ZSWIM7: variants seen among roughly 807,000 people sequenced by gnomAD.
ZSWIM7 encodes zinc finger SWIM domain-containing protein 7.
ZSWIM7 carries 22 observed loss-of-function variants against 21.1 expected under a neutral mutation model. The observed-to-expected ratio is 1.04, with a 90% CI of 0.74 to 1.49. The LOEUF is 1.49. Ranked by LOEUF, ZSWIM7 falls within the 40% of genes most tolerant of loss-of-function variation. The pLI is 0.00. For missense variants in ZSWIM7, 193 were observed against 168.0 expected (o/e 1.15, Z -0.82); for synonymous variants, 67 against 66.5 (o/e 1.01, Z -0.04).
intron 2 of ZSWIM7, among the ~76,000 whole-genome samples, chr17:15,992,262 G>T (rs193114856): frequency 6.6e-6 from 1 of 152,082 alleles, no homozygotes; most frequent in African/African-American, 2.4e-5. Context: ...CAGTAATTAA[G>T]TATTACTTAT....
intron 1 of ZSWIM7, among the ~76,000 whole-genome samples, chr17:15,995,615 A>C (rs1970543016): frequency 6.6e-6 from 1 of 151,784 alleles, no homozygotes; most frequent in South Asian, 2.1e-4. Context: ...GAAATTCAAC[A>C]GAAAATCTGG....
At chr17:15,985,499 C>T (rs1189566486) in intron 3 of ZSWIM7, among the ~76,000 whole-genome samples, 5 of 152,138 alleles carry the variant, frequency 3.3e-5, no homozygotes, top group Non-Finnish European at 5.9e-5. Flanking sequence ...CATACAACTC[C>T]TGAATTCAGC....
intron 3 of ZSWIM7, among the ~76,000 whole-genome samples, chr17:15,985,040 C>G (rs1472033086): frequency 6.6e-6 from 1 of 152,334 alleles, no homozygotes; most frequent in South Asian, 2.1e-4. Context: ...AGTGCAGGCT[C>G]ACGCCTGTAA....
chr17:15,989,001 C>T (rs1970449748), intron 2 of ZSWIM7, among the ~76,000 whole-genome samples: 1 of 152,070 alleles, frequency 6.6e-6, no homozygotes, highest in African/African-American at 2.4e-5. Context: ...GCCCAGGTAA[C>T]AGGGAGACTC....
At chr17:15,998,306 C>T (rs1332298564) in intron 1 of ZSWIM7, among the ~76,000 whole-genome samples, 2 of 152,106 alleles carry the variant, frequency 1.3e-5, no homozygotes, top group Admixed American at 1.3e-4. Context: ...GAATACTTGG[C>T]TGCACTAATC....
chr17:15,984,704 A>T (rs73276056), intron 3 of ZSWIM7, among the ~76,000 whole-genome samples: 1 of 152,208 alleles, frequency 6.6e-6, no homozygotes, highest in African/African-American at 2.4e-5. Flanking sequence ...TGTTAAATAC[A>T]GGCTGGCCAT....
chr17:15,989,822 G>C (rs2151627083), intron 2 of ZSWIM7, among the ~76,000 whole-genome samples: 1 of 152,154 alleles, frequency 6.6e-6, no homozygotes, highest in East Asian at 1.9e-4. Flanking sequence ...TGTGGAGACA[G>C]GGTCTCCCTG....
Position 15,976,827 on chromosome 17 carries a change from G to C in ZSWIM7, c.*1220C>G, listed in dbSNP as rs1210706065. The C allele has an allele frequency of 6.6e-6, 1 of 152,172 alleles. No homozygotes were observed. Among genetic ancestry groups the C allele is most frequent in the Non-Finnish European group, 1.5e-5 (1 of 68,032 alleles). 9.4% of individuals were successfully genotyped at this position (152,172 alleles called of 1,614,324 possible). A position where few individuals can be genotyped will look rare whatever the true frequency, so the allele number is the denominator to read the frequency against. ...ACATGCTTATGAAATGCTGCAGACA[G>C]GGAATTCCTGTCCTTCTAGGATCCT... On this transcript the variant is annotated 3_prime_UTR_variant, in exon 5 of 5. Coordinates refer to ENST00000399277, the MANE Select transcript of ZSWIM7 (RefSeq NM_001042697.2).
intron 3 of ZSWIM7, among the ~76,000 whole-genome samples, chr17:15,982,824 A>C (rs1230393220): frequency 6.6e-6 from 1 of 151,726 alleles, no homozygotes; most frequent in African/African-American, 2.4e-5. Context: ...CTAATTTTAA[A>C]ATTTTTTTTG....
At chr17:15,998,065 A>G (rs1192302078) in intron 1 of ZSWIM7, among the ~76,000 whole-genome samples, 1 of 151,538 alleles carries the variant, frequency 6.6e-6, no homozygotes, top group Non-Finnish European at 1.5e-5. Context: ...CGCCCATTGC[A>G]CTCCAGCCTG....
At chr17:15,983,043 A>T (rs1970373175) in intron 3 of ZSWIM7, among the ~76,000 whole-genome samples, 1 of 152,152 alleles carries the variant, frequency 6.6e-6, no homozygotes, top group Non-Finnish European at 1.5e-5. Context: ...TGCCTACTGA[A>T]CACATTCAAG....
chr17:15,979,593 A>AC, intron 4 of ZSWIM7, among the ~76,000 whole-genome samples: 1 of 149,856 alleles, frequency 6.7e-6, no homozygotes, highest in East Asian at 2.0e-4. Flanking sequence ...CACCTCCCGG[A>AC]CGAGGCGGCT....
chr17:15,987,213 C>T, intron 3 of ZSWIM7, 53 bp downstream of exon 3: 1 of 1,424,358 alleles, frequency 7.0e-7, no homozygotes, highest in Admixed American at 2.3e-5. Context: ...AGATGAAGAA[C>T]ATTTTGTCCT....
chr17:15,987,353 A>C lies in ZSWIM7; in HGVS notation c.114T>G (p.Phe38Leu), dbSNP rs1241854544. 2 of 1,613,338 alleles carry C rather than the reference A, an allele frequency of 1.2e-6. No homozygotes were observed. Among genetic ancestry groups the C allele is most frequent in the East Asian group, 2.2e-5 (1 of 44,856 alleles). ...DEYLLSLKFL[F>L]GSSATQALDL... ...CCAAGGCCTGGGTGGCTGATGAGCC[A>C]AAGAGAAACTTCAGCCTGTGAAATA... The change falls in exon 3 of 5, where the codon TTT becomes TTG. Residue 38 changes from phenylalanine (F) to leucine (L), a missense_variant. Phe to Leu is a conservative substitution (Grantham distance 22). Transcript: ENST00000399277.
chr17:15,980,910 C>T, intron 4 of ZSWIM7, 130 bp downstream of exon 4: 1 of 608,230 alleles, frequency 1.6e-6, no homozygotes, highest in South Asian at 2.8e-5. Context: ...TAACTGAAGA[C>T]AAAGACAAAA....
intron 2 of ZSWIM7, among the ~76,000 whole-genome samples, chr17:15,987,862 G>A (rs920949368): frequency 3.3e-5 from 5 of 151,972 alleles, no homozygotes; most frequent in Admixed American, 6.6e-5. Context: ...CACCTGCCTC[G>A]GCCTCCCAAA....
At chr17:15,983,276 CAG>C (rs927510037) in intron 3 of ZSWIM7, among the ~76,000 whole-genome samples, 2 of 131,460 alleles carry the variant, frequency 1.5e-5, no homozygotes, top group Non-Finnish European at 3.1e-5. Flanking sequence ...ACCCGGGAGA[CAG>C]AGGTGGCAGT....
chr17:15,996,679 C>T (rs528811048), intron 1 of ZSWIM7, among the ~76,000 whole-genome samples: 28 of 151,950 alleles, frequency 1.8e-4, no homozygotes, highest in Non-Finnish European at 2.8e-4. Context: ...AGTGAAACCC[C>T]GTCTCTACAA....
intron 2 of ZSWIM7, among the ~76,000 whole-genome samples, chr17:15,989,723 T>C (rs1310210429): frequency 6.6e-6 from 1 of 152,018 alleles, no homozygotes; most frequent in African/African-American, 2.4e-5. Flanking sequence ...CTGAACCCCC[T>C]GGGCTCAAGT....
Sources: allele counts gnomAD v4.1 joint callset (sites outside exome capture counted in the v4.1 genomes callset), GRCh38; gene constraint gnomAD v4.1.1; transcripts MANE v1.5; gene names NCBI Gene and HGNC (gene_info 2026-07-23, HGNC 2026-07-21).